SNTB1: variants seen among roughly 807,000 people sequenced by gnomAD.
SNTB1 encodes the protein syntrophin beta 1.
In SNTB1, 36 loss-of-function variants were observed where a neutral mutation model predicts 48.9. The observed-to-expected ratio is 0.74, with a 90% CI of 0.56 to 0.97. The LOEUF (loss-of-function observed/expected upper bound fraction) is 0.97, where lower values mean the gene tolerates loss of function less well. SNTB1 is among the 50% of genes least tolerant of loss of function. The pLI, the probability that SNTB1 is intolerant of heterozygous loss-of-function variation, is 0.00. For synonymous variants in SNTB1, 299 were observed against 294.6 expected (o/e 1.01, Z -0.15); for missense variants, 786 against 703.4 (o/e 1.12, Z -1.33).
At chr8:120,684,751 T>A (rs1340458113) in intron 2 of SNTB1, among the ~76,000 whole-genome samples, 19 of 150,514 alleles carry the variant, frequency 1.3e-4, no homozygotes, top group Admixed American at 1.3e-3. Context: ...GCCTCCTGGG[T>A]TCAAGCAATT....
intron 3 of SNTB1, among the ~76,000 whole-genome samples, chr8:120,594,042 T>G (rs1816285532): frequency 6.6e-6 from 1 of 151,002 alleles, no homozygotes; most frequent in South Asian, 2.1e-4. Context: ...TCTAAGGAGC[T>G]CAGTACATGT....
intron 1 of SNTB1, among the ~76,000 whole-genome samples, chr8:120,770,399 A>AT (rs111859750): frequency 0.26 from 36,992 of 144,180 alleles, 4,552 homozygotes; most frequent in African/African-American, 0.3. Flanking sequence ...GTAATAAAGC[A>AT]TTTTTTTTTT....
At chr8:120,635,973 T>C in intron 2 of SNTB1, 1 of 644,684 alleles carries the variant, frequency 1.6e-6, no homozygotes, top group East Asian at 4.4e-5. Context: ...CCCTCTCCTT[T>C]ACTTGCTCCA....
At chr8:120,713,593 A>G (rs1818503741) in intron 1 of SNTB1, among the ~76,000 whole-genome samples, 1 of 152,114 alleles carries the variant, frequency 6.6e-6, no homozygotes, top group South Asian at 2.1e-4. Flanking sequence ...AGCTGGGCAC[A>G]GTGGCATGTG....
intron 2 of SNTB1, among the ~76,000 whole-genome samples, chr8:120,676,094 C>A (rs1817828633): frequency 6.6e-6 from 1 of 152,186 alleles, no homozygotes; most frequent in African/African-American, 2.4e-5. Flanking sequence ...TCTGAGAACT[C>A]TTGATTGTTG....
rs190154239 is a variant in SNTB1, at chr8:120,686,455, C to T, written c.788+7237G>A. 5.3e-3 allele frequency among the ~76,000 whole-genome samples: 806 copies of T among 152,288 alleles called. 4 individuals carry two copies. The highest frequency in any genetic ancestry group is 0.014 in the Admixed American group (217 of 15,298). ...GTCCTTGCATGGTCTAAGGGGAAAA[C>T]AGGCTCCCTTGAGCCTCTTTTATAA... On this transcript the variant is annotated intron_variant, in intron 2 of 6. Coordinates refer to ENST00000517992, the MANE Select transcript of SNTB1 (RefSeq NM_021021.4).
intron 1 of SNTB1, among the ~76,000 whole-genome samples, chr8:120,779,206 C>T (rs1819789700): frequency 6.6e-6 from 1 of 152,072 alleles, no homozygotes; most frequent in African/African-American, 2.4e-5. Context: ...ATAGCTCTGG[C>T]CAAAAATAAA....
chr8:120,582,186 T>C (rs1472466334), intron 3 of SNTB1, among the ~76,000 whole-genome samples: 2 of 152,356 alleles, frequency 1.3e-5, no homozygotes, highest in South Asian at 2.1e-4. Flanking sequence ...AAACAATGTA[T>C]GTTCTTTGAC....
intron 2 of SNTB1, among the ~76,000 whole-genome samples, chr8:120,639,142 GTGA>G (rs1157966131): frequency 6.6e-6 from 1 of 152,208 alleles, no homozygotes; most frequent in Non-Finnish European, 1.5e-5. Flanking sequence ...CTGATGGCCA[GTGA>G]TGATGAGCAT....
intron 3 of SNTB1, among the ~76,000 whole-genome samples, chr8:120,592,273 T>C (rs1044029250): frequency 3.3e-5 from 5 of 151,996 alleles, no homozygotes; most frequent in Admixed American, 2.6e-4. Context: ...CCTCAAACTC[T>C]TGGGGTCAAG....
At chr8:120,577,929 A>G (rs1312861156) in intron 3 of SNTB1, among the ~76,000 whole-genome samples, 1 of 152,232 alleles carries the variant, frequency 6.6e-6, no homozygotes, top group East Asian at 1.9e-4. Context: ...TCCTGTATGC[A>G]GAGCTGTTAT....
intron 3 of SNTB1, among the ~76,000 whole-genome samples, chr8:120,597,432 C>T (rs913776883): frequency 4.0e-4 from 61 of 152,312 alleles, no homozygotes; most frequent in East Asian, 3.9e-4. Flanking sequence ...ACAAGGGATG[C>T]GATGGATTTT....
intron 1 of SNTB1, among the ~76,000 whole-genome samples, chr8:120,767,708 G>A (rs941971450): frequency 2.6e-5 from 4 of 152,132 alleles, no homozygotes; most frequent in African/African-American, 4.8e-5. Context: ...ATTGTTCTGA[G>A]CCTTAAATGC....
At chr8:120,713,818 C>T (rs1364514698) in intron 1 of SNTB1, among the ~76,000 whole-genome samples, 1 of 152,152 alleles carries the variant, frequency 6.6e-6, no homozygotes, top group Non-Finnish European at 1.5e-5. Flanking sequence ...TTAAGATTCA[C>T]TTATGTTGTG....
At chr8:120,636,050 C>CTTTT in intron 2 of SNTB1, 1 of 817,774 alleles carries the variant, frequency 1.2e-6, no homozygotes, top group Non-Finnish European at 1.7e-6. Flanking sequence ...GAACTCAAGG[C>CTTTT]TTTTTTTTTT....
At chr8:120,804,858 C>T (rs928126828) in intron 1 of SNTB1, among the ~76,000 whole-genome samples, 1 of 152,166 alleles carries the variant, frequency 6.6e-6, no homozygotes, top group African/African-American at 2.4e-5. Context: ...TACCTGAAGG[C>T]ATTTGCCTTC....
chr8:120,780,942 A>G (rs1819822471), intron 1 of SNTB1, among the ~76,000 whole-genome samples: 1 of 152,184 alleles, frequency 6.6e-6, no homozygotes. Flanking sequence ...ATAAGAGTAA[A>G]CTCATTACAA....
At chr8:120,718,006 T>G (rs575051142) in intron 1 of SNTB1, among the ~76,000 whole-genome samples, 4 of 152,326 alleles carry the variant, frequency 2.6e-5, no homozygotes, top group Admixed American at 6.5e-5. Context: ...GTCCCTTTTA[T>G]TCTTAGAGGG....
chr8:120,630,696 CA>C (rs1296648914), intron 3 of SNTB1, among the ~76,000 whole-genome samples: 20 of 152,100 alleles, frequency 1.3e-4, no homozygotes, highest in African/African-American at 4.8e-4. Context: ...TCTTGCACAG[CA>C]CCTGATTTTT....
Sources: allele counts gnomAD v4.1 joint callset (sites outside exome capture counted in the v4.1 genomes callset), GRCh38; gene constraint gnomAD v4.1.1; transcripts MANE v1.5; gene names NCBI Gene and HGNC (gene_info 2026-07-23, HGNC 2026-07-21).